PARD3: variants seen among roughly 807,000 people sequenced by gnomAD.
PARD3 encodes par-3 family cell polarity regulator, also known as partitioning defective 3 homolog.
PARD3 carries 75 observed loss-of-function variants against 155.4 expected under a neutral mutation model. The ratio of observed to expected loss-of-function variants is 0.48; its 90% CI spans 0.40 to 0.58. The LOEUF (loss-of-function observed/expected upper bound fraction) is 0.58, where lower values mean the gene tolerates loss of function less well. Ranked by LOEUF, PARD3 falls within the 20% of genes least tolerant of loss-of-function variation. The probability of loss-of-function intolerance (pLI) is 0.00; values close to 1 mark genes in which losing one functional copy is unlikely to be tolerated. For missense variants in PARD3, 1,642 were observed against 1,721.7 expected (o/e 0.95, Z 0.82); for synonymous variants, 576 against 610.5 (o/e 0.94, Z 0.83).
At chr10:34,659,764 A>G (rs560584388) in intron 2 of PARD3, among the ~76,000 whole-genome samples, 1 of 152,286 alleles carries the variant, frequency 6.6e-6, no homozygotes, top group Non-Finnish European at 1.5e-5. Flanking sequence ...CTGACTCAGT[A>G]AAGCCTTACT....
rs183221278 is a variant in PARD3 at position 34,122,093 on chromosome 10, C to T, written c.3541-2353G>A. On this transcript the variant is annotated intron_variant, in intron 23 of 24. Coordinates refer to ENST00000374788, the MANE Select transcript of PARD3 (RefSeq NM_001184785.2). ...ACAGAAAGAAAACACTACACCATTT[C>T]CTTTACACCCTCAAAAGAACCACAT... is the stretch of plus-strand genomic sequence containing the variant. Among the ~76,000 whole-genome samples, 4 of 152,324 alleles carry T rather than the reference C, an allele frequency of 2.6e-5. No homozygotes were observed. In the East Asian group the frequency reaches 7.7e-4, roughly 29 times the overall value.
At position 34,733,442 on chromosome 10, in the gene PARD3, T is replaced by C. The variant is rs1205644590; in HGVS notation, c.121-37023A>G. 2.0e-5 allele frequency among the ~76,000 whole-genome samples: 3 copies of C among 152,168 alleles called. No homozygotes were observed. In the East Asian group the frequency reaches 5.8e-4, roughly 29 times the overall value. ...CTACGTTGTGATTAAAAAGAAAAAT[T>C]ATTCAGCTTAAAAAAACAACTAGTG... On this transcript the variant is annotated intron_variant, in intron 1 of 24. Coordinates refer to ENST00000374788, the MANE Select transcript of PARD3 (RefSeq NM_001184785.2).
intron 20 of PARD3, among the ~76,000 whole-genome samples, chr10:34,295,251 G>T (rs187145649): frequency 7.9e-5 from 12 of 152,256 alleles, no homozygotes; most frequent in Admixed American, 7.2e-4. Context: ...GTCAGAACAC[G>T]GAGATGTGTT....
intron 12 of PARD3, among the ~76,000 whole-genome samples, chr10:34,362,924 C>T (rs61842496): frequency 0.061 from 9,305 of 152,180 alleles, 367 homozygotes; most frequent in East Asian, 0.13. Context: ...ATCATAGTTC[C>T]CCTTGACTTT....
chr10:34,645,807 G>A (rs980033140), intron 2 of PARD3, among the ~76,000 whole-genome samples: 23 of 152,216 alleles, frequency 1.5e-4, no homozygotes, highest in Non-Finnish European at 2.9e-4. Context: ...CAGCTGATGA[G>A]CAGATTTTTA....
intron 1 of PARD3, among the ~76,000 whole-genome samples, chr10:34,740,135 AG>A (rs761945340): frequency 3.3e-5 from 5 of 152,150 alleles, no homozygotes; most frequent in Non-Finnish European, 5.9e-5. Flanking sequence ...GGAGAAAGGG[AG>A]GAAACCTGAA....
intron 3 of PARD3, among the ~76,000 whole-genome samples, chr10:34,496,414 T>A (rs2080292484): frequency 6.6e-6 from 1 of 152,056 alleles, no homozygotes; most frequent in South Asian, 2.1e-4. Flanking sequence ...AGATAAAAGA[T>A]CCAGGTAATA....
intron 2 of PARD3, among the ~76,000 whole-genome samples, chr10:34,637,540 C>T (rs1049707986): frequency 6.6e-6 from 1 of 152,208 alleles, no homozygotes; most frequent in African/African-American, 2.4e-5. Flanking sequence ...CACTACAATG[C>T]TTTGTCACTG....
chr10:34,522,414 A>C (rs528324016), intron 2 of PARD3, among the ~76,000 whole-genome samples: 44 of 152,200 alleles, frequency 2.9e-4, no homozygotes, highest in Non-Finnish European at 5.4e-4. Context: ...CCAGGTAATG[A>C]ATTTGCATTG....
chr10:34,606,450 T>TTTGG (rs1331900170), intron 2 of PARD3, among the ~76,000 whole-genome samples: 2 of 151,652 alleles, frequency 1.3e-5, no homozygotes, highest in East Asian at 3.9e-4. Context: ...AAAGATTTCT[T>TTTGG]TTGGTTGGTT....
At chr10:34,288,194 G>A (rs530399868) in intron 20 of PARD3, among the ~76,000 whole-genome samples, 34 of 152,188 alleles carry the variant, frequency 2.2e-4, no homozygotes, top group Non-Finnish European at 1.9e-4. Context: ...CTGGGTGACA[G>A]AGTAAGACCT....
intron 2 of PARD3, among the ~76,000 whole-genome samples, chr10:34,637,065 T>C (rs1248054501): frequency 6.6e-6 from 1 of 152,198 alleles, no homozygotes; most frequent in East Asian, 1.9e-4. Context: ...AATCTGAAAG[T>C]ACAATTATAC....
chr10:34,246,068 A>G (rs997723253), intron 22 of PARD3, among the ~76,000 whole-genome samples: 1 of 152,254 alleles, frequency 6.6e-6, no homozygotes, highest in Non-Finnish European at 1.5e-5. Context: ...AGGGTGTCCT[A>G]TAAGTCAAAT....
intron 5 of PARD3, among the ~76,000 whole-genome samples, chr10:34,416,907 C>A (rs554289258): frequency 9.2e-5 from 14 of 152,334 alleles, no homozygotes; most frequent in African/African-American, 3.4e-4. Context: ...AAACTCCAAG[C>A]TGTCCTTCAT....
intron 1 of PARD3, among the ~76,000 whole-genome samples, chr10:34,784,443 C>CTTTTT (rs936219571): frequency 7.8e-6 from 1 of 128,150 alleles, no homozygotes; most frequent in Non-Finnish European, 1.6e-5. Flanking sequence ...TTCCAACATA[C>CTTTTT]TTTTTTTTTT....
At chr10:34,652,587 C>T (rs997382757) in intron 2 of PARD3, among the ~76,000 whole-genome samples, 7 of 152,244 alleles carry the variant, frequency 4.6e-5, no homozygotes, top group Admixed American at 6.5e-5. Flanking sequence ...AGCATAGATA[C>T]GGATGGATCG....
intron 21 of PARD3, among the ~76,000 whole-genome samples, chr10:34,270,430 A>T (rs1460161266): frequency 2.0e-5 from 3 of 152,140 alleles, no homozygotes; most frequent in African/African-American, 7.2e-5. Context: ...AGTGTGAGCC[A>T]CCGTGCCTGG....
intron 2 of PARD3, among the ~76,000 whole-genome samples, chr10:34,531,560 G>C (rs892780304): frequency 1.3e-5 from 2 of 152,146 alleles, no homozygotes; most frequent in Non-Finnish European, 2.9e-5. Flanking sequence ...GAGATGAAAA[G>C]GTATTTCACA....
chr10:34,219,026 A>G (rs2133456130), intron 22 of PARD3, among the ~76,000 whole-genome samples: 1 of 152,376 alleles, frequency 6.6e-6, no homozygotes, highest in East Asian at 1.9e-4. Context: ...GGCCTAGAGC[A>G]GGAAGAAGAA....
Sources: gnomAD v4.1 joint callset for allele counts (sites outside exome capture counted in the v4.1 genomes callset) on GRCh38, gnomAD v4.1.1 for gene constraint, MANE v1.5 for transcripts, NCBI Gene and HGNC (gene_info 2026-07-23, HGNC 2026-07-21) for gene names.